Variants in CYP4F22 observed in about 807,000 individuals in gnomAD.
The protein encoded by CYP4F22 is cytochrome P450 family 4 subfamily F member 22, also known as ultra-long-chain fatty acid omega-hydroxylase.
In CYP4F22, 37 loss-of-function variants were observed where a neutral mutation model predicts 60.4. The ratio of observed to expected loss-of-function variants is 0.61; its 90% CI spans 0.47 to 0.81. The LOEUF (loss-of-function observed/expected upper bound fraction) is 0.81, where lower values mean the gene tolerates loss of function less well. CYP4F22 is among the 30% of genes least tolerant of loss of function. CYP4F22 has a pLI of 0.00. For missense variants in CYP4F22, 655 were observed against 715.0 expected, an observed-to-expected ratio of 0.92 and a Z score of 0.96; for synonymous variants, 258 against 280.5, an observed-to-expected ratio of 0.92 and a Z score of 0.80.
chr19:15,519,463 G>A (rs898235222), intron 1 of CYP4F22, among the ~76,000 whole-genome samples: 4 of 151,974 alleles, frequency 2.6e-5, no homozygotes, highest in Admixed American at 6.6e-5. Flanking sequence ...GGGTTTTGCC[G>A]TGTTGGCCAG....
intron 4 of CYP4F22, 46 bp downstream of exon 4, chr19:15,529,899 A>G (rs749836774): frequency 9.9e-6 from 16 of 1,612,600 alleles, no homozygotes; most frequent in Non-Finnish European, 1.3e-5. Flanking sequence ...CTCAACTCCC[A>G]GAGCCTATCT....
At chr19:15,515,400 T>C in intron 1 of CYP4F22, 2 of 1,229,244 alleles carry the variant, frequency 1.6e-6, no homozygotes, top group East Asian at 2.9e-5. Flanking sequence ...CTGTACTTTG[T>C]TGGTCCAACT....
intron 8 of CYP4F22, among the ~76,000 whole-genome samples, chr19:15,541,662 C>T (rs1971463914): frequency 6.6e-6 from 1 of 152,038 alleles, no homozygotes; most frequent in Non-Finnish European, 1.5e-5. Context: ...AGGTGGATCA[C>T]TTGAGGTCAG....
rs267605318 is a variant in CYP4F22, at chr19:15,540,488, G to A, written c.710G>A (p.Ser237Asn). Residue 237 changes from serine (S) to asparagine (N), a missense_variant, in exon 8 of 14, where the codon AGC (serine) becomes AAC (asparagine). This residue lies in a region of CYP4F22 where 430 missense variants were observed against 457.1 expected (regional missense o/e 0.94). Coordinates refer to ENST00000269703, the MANE Select transcript of CYP4F22 (RefSeq NM_173483.4). ...TATATCTCCGCTATCATTGAACTGA[G>A]CGCTCTGTCTGTCCGGCGCCAGTAT... ...SDYISAIIEL[S>N]ALSVRRQYRL... 1.2e-6 allele frequency: 2 copies of A among 1,614,172 alleles called. No individual in the cohort carries two copies. The highest frequency in any genetic ancestry group is 1.1e-5 in the South Asian group (1 of 91,080).
At chr19:15,520,368 C>T (rs537211424) in intron 1 of CYP4F22, among the ~76,000 whole-genome samples, 6 of 144,482 alleles carry the variant, frequency 4.2e-5, no homozygotes, top group African/African-American at 7.6e-5. Flanking sequence ...AAAACAAAAA[C>T]TAAAAAAAGA....
At chr19:15,510,067 G>A (rs985165099) in intron 1 of CYP4F22, among the ~76,000 whole-genome samples, 1 of 151,434 alleles carries the variant, frequency 6.6e-6, no homozygotes, top group Non-Finnish European at 1.5e-5. Context: ...CTGCAGCCTC[G>A]ATCTCCTGGG....
chr19:15,549,920 GTTAT>G (rs201614481), intron 12 of CYP4F22, among the ~76,000 whole-genome samples: 11 of 152,068 alleles, frequency 7.2e-5, no homozygotes, highest in African/African-American at 1.4e-4. Context: ...ATGAGCTATG[GTTAT>G]TTATTTATTT....
intron 1 of CYP4F22, among the ~76,000 whole-genome samples, chr19:15,512,406 A>T (rs1971102639): frequency 6.6e-6 from 1 of 152,158 alleles, no homozygotes; most frequent in Non-Finnish European, 1.5e-5. Flanking sequence ...ATTTTGGCTC[A>T]TTGCAACCTC....
chr19:15,537,846 A>T, intron 6 of CYP4F22, 26 bp from the exon 7 acceptor site: 3 of 1,612,960 alleles, frequency 1.9e-6, no homozygotes, highest in East Asian at 2.2e-5. Flanking sequence ...GTTTCCATGC[A>T]CAGTCACCAT....
intron 1 of CYP4F22, among the ~76,000 whole-genome samples, chr19:15,511,981 G>A (rs556276781): frequency 3.7e-4 from 56 of 152,340 alleles, no homozygotes; most frequent in African/African-American, 1.3e-3. Context: ...GGGCCTGCTG[G>A]ATGAGATCGG....
intron 8 of CYP4F22, 96 bp from the exon 9 acceptor site, chr19:15,543,875 A>AG: frequency 1.5e-6 from 2 of 1,319,142 alleles, no homozygotes; most frequent in Non-Finnish European, 2.1e-6. Context: ...AAAAAAAAAA[A>AG]AAGATGGGGG....
rs146066093 is a variant in CYP4F22, at chr19:15,512,992, T to TTCTC, written c.-109+4427_-109+4430dup. 2.2e-3 allele frequency among the ~76,000 whole-genome samples: 327 copies of TTCTC among 148,164 alleles called. 2 individuals are homozygous for TTCTC. Among genetic ancestry groups the TTCTC allele is most frequent in the Non-Finnish European group, 3.7e-3 (249 of 66,998 alleles). Reference sequence around the variant, plus strand: ...CATTTTTCCTGGGTCCTCAAAGCTTTTCTCTCTCTCTCTCTCTCTCTTTTT... The same window carrying TTCTC: ...CATTTTTCCTGGGTCCTCAAAGCTTTTCTCTCTCTCTCTCTCTCTCTCTCTTTTT... On this transcript the variant is annotated intron_variant, in intron 1 of 13. Transcript: ENST00000269703.
rs549396565 is a variant in CYP4F22 at position 15,542,385 on chromosome 19, AT to A, written c.940-1585del. ...CGTCTCTACTAAAAATAAAAAAAAA[AT>A]ATTAGCCGGGCGTGGTGGCATGCAT... On this transcript the variant is annotated intron_variant, in intron 8 of 13. Transcript: ENST00000269703. 3.2e-3 allele frequency among the ~76,000 whole-genome samples: 489 copies of A among 150,718 alleles called. 3 individuals carry two copies. The highest frequency in any genetic ancestry group is 0.011 in the African/African-American group (461 of 41,032).
intron 1 of CYP4F22, among the ~76,000 whole-genome samples, chr19:15,515,869 G>A (rs556952859): frequency 5.3e-5 from 8 of 151,844 alleles, no homozygotes; most frequent in East Asian, 4.0e-4. Context: ...GACTACAGGC[G>A]CCCGCCACCA....
At chr19:15,515,387 T>A (rs963716807) in intron 1 of CYP4F22, 1 of 1,240,668 alleles carries the variant, frequency 8.1e-7, no homozygotes, top group Non-Finnish European at 1.2e-6. Flanking sequence ...GTTCTTGGCA[T>A]CTCTGTACTT....
At chr19:15,545,063 AC>A (rs1369581902) in intron 10 of CYP4F22, among the ~76,000 whole-genome samples, 2 of 150,432 alleles carry the variant, frequency 1.3e-5, no homozygotes, top group Non-Finnish European at 3.0e-5. Context: ...CTCTGTCCCC[AC>A]CCCCCCACAA....
At chr19:15,515,595 G>A (rs1019204162) in intron 1 of CYP4F22, among the ~76,000 whole-genome samples, 1 of 152,016 alleles carries the variant, frequency 6.6e-6, no homozygotes, top group East Asian at 2.0e-4. Flanking sequence ...GTGTGGTGGC[G>A]CATGCCGGTA....
intron 1 of CYP4F22, among the ~76,000 whole-genome samples, chr19:15,519,507 C>A (rs1022331022): frequency 6.6e-6 from 1 of 152,158 alleles, no homozygotes; most frequent in Non-Finnish European, 1.5e-5. Flanking sequence ...AAGTGATCCA[C>A]CCGCCTTGGC....
At chr19:15,546,496 A>C (rs1289793426) in intron 10 of CYP4F22, among the ~76,000 whole-genome samples, 1 of 152,032 alleles carries the variant, frequency 6.6e-6, no homozygotes, top group Non-Finnish European at 1.5e-5. Flanking sequence ...AGGCGTGAGA[A>C]TTGCTTGAAC....
Sources: allele counts gnomAD v4.1 joint callset (sites outside exome capture counted in the v4.1 genomes callset), GRCh38; gene constraint gnomAD v4.1.1; regional missense constraint gnomAD v4.1.1; transcripts MANE v1.5; gene names NCBI Gene and HGNC (gene_info 2026-07-23, HGNC 2026-07-21).